Variants in RANBP2 observed in about 807,000 individuals in gnomAD.
RANBP2 encodes the protein RAN binding protein 2.
RANBP2 carries 57 observed loss-of-function variants against 303.6 expected under a neutral mutation model. That is an observed-to-expected ratio of 0.19 (90% CI 0.15 to 0.23). The LOEUF is 0.23. Ranked by LOEUF, RANBP2 falls within the 10% of genes least tolerant of loss-of-function variation. The probability of loss-of-function intolerance (pLI) is 1.00; values close to 1 mark genes in which losing one functional copy is unlikely to be tolerated. For missense variants in RANBP2, 3,138 were observed against 3,780.8 expected (o/e 0.83, Z 4.46); for synonymous variants, 1,167 against 1,301.5 (o/e 0.90, Z 2.23).
At chr2:109,128,888 C>A in the RANBP2 span, 1 of 320,588 alleles carries the variant, frequency 3.1e-6, no homozygotes, top group African/African-American at 2.3e-5. Flanking sequence ...CCAGGCTAAT[C>A]GCCGGCTTGC....
At chr2:109,699,739 A>T in the RANBP2 span, among the ~76,000 whole-genome samples, 4 of 152,094 alleles carry the variant, frequency 2.6e-5, no homozygotes, top group African/African-American at 9.7e-5. Context: ...CACAGCTCAA[A>T]CCCATATTGT....
At chr2:109,590,350 T>C in the RANBP2 span, among the ~76,000 whole-genome samples, 2 of 151,976 alleles carry the variant, frequency 1.3e-5, 1 homozygote, top group Non-Finnish European at 2.9e-5. Context: ...TTTTACAGAG[T>C]GATTAAGGTC....
the RANBP2 span, among the ~76,000 whole-genome samples, chr2:109,693,448 C>A: frequency 0.024 from 3,710 of 152,276 alleles, 146 homozygotes; most frequent in African/African-American, 0.083. Context: ...TGTGAGCCAC[C>A]ACACCCGGCC....
chr2:108,831,793 C>T, the RANBP2 span, among the ~76,000 whole-genome samples: 140 of 150,194 alleles, frequency 9.3e-4, no homozygotes, highest in African/African-American at 3.3e-3. Flanking sequence ...AGCGCAATGG[C>T]ATGATCTCGG....
At chr2:109,202,875 T>G in the RANBP2 span, among the ~76,000 whole-genome samples, 40,068 of 152,204 alleles carry the variant, frequency 0.26, 5,664 homozygotes, top group East Asian at 0.49. Flanking sequence ...AACAACTGCT[T>G]GGCTGATTAG....
chr2:109,353,800 C>T, the RANBP2 span, among the ~76,000 whole-genome samples: 2 of 152,146 alleles, frequency 1.3e-5, no homozygotes, highest in Admixed American at 1.3e-4. Flanking sequence ...TGCGTGTGTC[C>T]GTGTGCAGTG....
the RANBP2 span, chr2:109,574,559 T>C: frequency 1.4e-6 from 2 of 1,439,862 alleles, no homozygotes; most frequent in Middle Eastern, 1.9e-4. Context: ...GTATGGTAAG[T>C]TGATTCCTTT....
the RANBP2 span, among the ~76,000 whole-genome samples, chr2:109,212,673 A>G: frequency 6.6e-6 from 1 of 152,178 alleles, no homozygotes; most frequent in Non-Finnish European, 1.5e-5. Context: ...CTTGTGTTAA[A>G]TGGACTCACC....
chr2:109,368,853 A>G, the RANBP2 span, among the ~76,000 whole-genome samples: 1 of 152,148 alleles, frequency 6.6e-6, no homozygotes, highest in Non-Finnish European at 1.5e-5. Context: ...ATGTGTGGGA[A>G]GCCTTTGGTT....
chr2:109,538,778 CAA>C, the RANBP2 span, among the ~76,000 whole-genome samples: 1 of 152,176 alleles, frequency 6.6e-6, no homozygotes. Flanking sequence ...CTCAGATTCC[CAA>C]AGTGCTGGAA....
the RANBP2 span, among the ~76,000 whole-genome samples, chr2:109,070,592 G>A: frequency 6.6e-6 from 1 of 152,188 alleles, no homozygotes; most frequent in African/African-American, 2.4e-5. Context: ...AAGTGCCGTG[G>A]CTCACGCCTG....
At chr2:109,162,562 T>A in the RANBP2 span, among the ~76,000 whole-genome samples, 4 of 152,232 alleles carry the variant, frequency 2.6e-5, no homozygotes, top group African/African-American at 9.6e-5. Flanking sequence ...GAACTCATCA[T>A]TTTTTATGGC....
At chr2:109,243,275 C>T in the RANBP2 span, among the ~76,000 whole-genome samples, 1 of 152,232 alleles carries the variant, frequency 6.6e-6, no homozygotes, top group Non-Finnish European at 1.5e-5. Flanking sequence ...CCAGAGCCGG[C>T]GTCAGCCGTA....
At chr2:109,023,765 C>T in the RANBP2 span, among the ~76,000 whole-genome samples, 9 of 152,114 alleles carry the variant, frequency 5.9e-5, no homozygotes, top group African/African-American at 2.2e-4. Flanking sequence ...GCCTTGTTTG[C>T]CCTATCGCTC....
chr2:109,457,938 A>C, the RANBP2 span, among the ~76,000 whole-genome samples: 4 of 151,882 alleles, frequency 2.6e-5, no homozygotes, highest in Non-Finnish European at 4.4e-5. Context: ...ACTTGCCAGC[A>C]CTCTCCATTT....
At chr2:109,207,423 G>T in the RANBP2 span, among the ~76,000 whole-genome samples, 1 of 152,110 alleles carries the variant, frequency 6.6e-6, no homozygotes, top group African/African-American at 2.4e-5. Context: ...AGAAGGCTTG[G>T]CAGTTTCGAT....
chr2:109,070,730 G>T, the RANBP2 span, among the ~76,000 whole-genome samples: 4 of 151,914 alleles, frequency 2.6e-5, no homozygotes, highest in Admixed American at 6.6e-5. Flanking sequence ...GTGATGGTGC[G>T]CTGCCTATAG....
the RANBP2 span, among the ~76,000 whole-genome samples, chr2:109,493,884 C>T: frequency 6.6e-6 from 1 of 152,152 alleles, no homozygotes. Flanking sequence ...CACACACCCA[C>T]CTTCTCTTTC....
At chr2:109,625,215 T>C in the RANBP2 span, among the ~76,000 whole-genome samples, 1 of 151,922 alleles carries the variant, frequency 6.6e-6, no homozygotes, top group African/African-American at 2.4e-5. Flanking sequence ...GGCACTGGCC[T>C]GGAGATCTCA....
Sources: allele counts gnomAD v4.1 joint callset (sites outside exome capture counted in the v4.1 genomes callset), GRCh38; gene constraint gnomAD v4.1.1; transcripts MANE v1.5; gene names NCBI Gene and HGNC (gene_info 2026-07-23, HGNC 2026-07-21).